CD44: variants seen among roughly 807,000 people sequenced by gnomAD.
CD44 encodes CD44 molecule (IN blood group).
A neutral mutation model predicts 88.8 loss-of-function variants in CD44; 49 were observed. That is an observed-to-expected ratio of 0.55 (90% CI 0.44 to 0.70). CD44 has a LOEUF of 0.70. Among genes scored for constraint, CD44 ranks in the 30% least tolerant of loss-of-function variants. The pLI, the probability that CD44 is intolerant of heterozygous loss-of-function variation, is 0.00. For synonymous variants in CD44, 325 were observed against 312.3 expected (o/e 1.04, Z -0.43); for missense variants, 883 against 913.8 (o/e 0.97, Z 0.43).
chr11:35,216,318 C>T (rs16927102), intron 15 of CD44, among the ~76,000 whole-genome samples: 276 of 152,294 alleles, frequency 1.8e-3, no homozygotes, highest in African/African-American at 6.2e-3. Context: ...TTACTGTGGT[C>T]TCCCTGAACA....
chr11:35,206,000 T>C, intron 10 of CD44, 112 bp from the exon 11 acceptor site: 2 of 1,382,788 alleles, frequency 1.4e-6, no homozygotes, highest in Non-Finnish European at 1.9e-6. Flanking sequence ...ACAAGGAAGA[T>C]GGTTTCATTG....
At chr11:35,216,093 G>A (rs1591311416) in intron 15 of CD44, among the ~76,000 whole-genome samples, 1 of 151,616 alleles carries the variant, frequency 6.6e-6, no homozygotes, top group East Asian at 1.9e-4. Context: ...TTCAAGCCTG[G>A]AGGGCCTTGT....
rs1055827043 is a variant in CD44 at position 35,139,381 on chromosome 11, G to C, written c.67+11G>C. ...GCCTGGCGCAGATCGGTGAGTGCCC[G>C]CCGCAGCCTGGGCAGCAAGATGGGT... On this transcript the variant is annotated intron_variant, in intron 1 of 17. Coordinates refer to ENST00000428726, the MANE Select transcript of CD44 (RefSeq NM_000610.4). 1.9e-6 allele frequency: 3 copies of C among 1,554,874 alleles called. No homozygotes were observed. The highest frequency in any genetic ancestry group is 2.4e-5 in the East Asian group (1 of 41,634).
At chr11:35,166,279 G>A (rs138546828) in intron 1 of CD44, among the ~76,000 whole-genome samples, 26 of 152,324 alleles carry the variant, frequency 1.7e-4, no homozygotes, top group African/African-American at 5.8e-4. Context: ...GCCTGAAGAC[G>A]CACTCGTCAA....
chr11:35,218,409 A>G (rs1949013272), intron 15 of CD44, among the ~76,000 whole-genome samples: 1 of 152,064 alleles, frequency 6.6e-6, no homozygotes, highest in East Asian at 1.9e-4. Context: ...GCTCACTGCA[A>G]CCTCTGCTTC....
At chr11:35,169,969 A>C (rs1943697748) in intron 1 of CD44, among the ~76,000 whole-genome samples, 1 of 152,206 alleles carries the variant, frequency 6.6e-6, no homozygotes. Flanking sequence ...CTCATCTCTA[A>C]AATGGGTTTA....
At chr11:35,205,389 A>G (rs1218060475) in intron 10 of CD44, among the ~76,000 whole-genome samples, 1 of 152,020 alleles carries the variant, frequency 6.6e-6, no homozygotes. Context: ...AACATAGAAG[A>G]TAATGCATCA....
intron 6 of CD44, 119 bp from the exon 7 acceptor site, chr11:35,198,002 C>T (rs1591204960): frequency 5.8e-6 from 6 of 1,041,076 alleles, no homozygotes; most frequent in South Asian, 3.5e-5. Context: ...CAAGTCAACT[C>T]CCTCACTTTC....
chr11:35,152,369 T>C (rs1590915711), intron 1 of CD44, among the ~76,000 whole-genome samples: 1 of 152,178 alleles, frequency 6.6e-6, no homozygotes, highest in African/African-American at 2.4e-5. Flanking sequence ...AAAGGCTCCA[T>C]CAAAAGTCTA....
chr11:35,139,722 G>A, intron 1 of CD44: 1 of 528,312 alleles, frequency 1.9e-6, no homozygotes, highest in Admixed American at 2.2e-5. Flanking sequence ...CTGTGCCCAA[G>A]GGCTCGCCAA....
At chr11:35,165,045 G>T (rs1943106431) in intron 1 of CD44, among the ~76,000 whole-genome samples, 1 of 152,134 alleles carries the variant, frequency 6.6e-6, no homozygotes, top group Non-Finnish European at 1.5e-5. Context: ...AGGGCTTTGT[G>T]GTGGGTGCCA....
rs138993895 is a variant in CD44 at position 35,191,925 on chromosome 11, G to A, written c.667+1860G>A. Among the ~76,000 whole-genome samples, 659 of 152,320 alleles carry A rather than the reference G, an allele frequency of 4.3e-3. 4 individuals carry two copies. Among genetic ancestry groups the A allele is most frequent in the Middle Eastern group, 0.017 (5 of 294 alleles). ...CATAGTTAGGAAGTAATATTGAAGA[G>A]AGGCAAGGATTACTGAGATATTTAT... On this transcript the variant is annotated intron_variant, in intron 5 of 17. Transcript: ENST00000428726.
At chr11:35,162,030 T>G (rs353640) in intron 1 of CD44, among the ~76,000 whole-genome samples, 25,311 of 152,152 alleles carry the variant, frequency 0.17, 2,337 homozygotes, top group African/African-American at 0.23. Context: ...GAAATTACCG[T>G]ATTCATGTAT....
chr11:35,206,372 A>G (rs1426551152), intron 11 of CD44, 129 bp downstream of exon 11: 1 of 908,682 alleles, frequency 1.1e-6, no homozygotes, highest in African/African-American at 1.7e-5. Context: ...AGGTTCTTCA[A>G]AAATTAGTTT....
chr11:35,141,923 G>A (rs1009395054), intron 1 of CD44, among the ~76,000 whole-genome samples: 5 of 152,122 alleles, frequency 3.3e-5, no homozygotes, highest in East Asian at 1.9e-4. Context: ...GGGGAGTGGT[G>A]GACTCTGGAC....
chr11:35,146,291 A>G (rs189162866), intron 1 of CD44, among the ~76,000 whole-genome samples: 13 of 152,304 alleles, frequency 8.5e-5, no homozygotes, highest in Non-Finnish European at 1.8e-4. Flanking sequence ...GTTAATTGCA[A>G]AACTCCGGGG....
Position 35,201,111 on chromosome 11 carries a change from A to C in CD44, c.952A>C (p.Thr318Pro). 6.2e-7 allele frequency: 1 copy of C among 1,614,094 alleles called. No individual in the cohort carries two copies. The highest frequency in any genetic ancestry group is 8.5e-7 in the Non-Finnish European group (1 of 1,179,924). The stretch of plus-strand genomic sequence containing the variant: ...AACCACACCACGGGCTTTTGACCAC[A>C]CAAAACAGAACCAGGACTGGACCCA... Reference protein sequence around the residue: ...ISTTPRAFDHTKQNQDWTQWN... With the variant: ...ISTTPRAFDHPKQNQDWTQWN... The change falls in exon 8 of 18, where the codon ACA becomes CCA. Residue 318 changes from threonine (T) to proline (P), a missense_variant. Thr to Pro is a conservative substitution (Grantham distance 38). This residue lies in a region of CD44 where 631 missense variants were observed against 590.9 expected (regional missense o/e 1.07). Coordinates refer to ENST00000428726, the MANE Select transcript of CD44 (RefSeq NM_000610.4).
At chr11:35,208,340 G>C (rs1393454985) in intron 12 of CD44, 134 bp downstream of exon 12, 2 of 647,360 alleles carry the variant, frequency 3.1e-6, no homozygotes, top group Non-Finnish European at 5.7e-6. Flanking sequence ...GTGTGAAACT[G>C]TCTTCATTGT....
chr11:35,139,611 G>T (rs750999737), intron 1 of CD44: 56 of 744,834 alleles, frequency 7.5e-5, no homozygotes, highest in Non-Finnish European at 1.2e-4. Context: ...TGGGCAGGCT[G>T]CCGGCGCGCA....
Sources: gnomAD v4.1 joint callset for allele counts (sites outside exome capture counted in the v4.1 genomes callset) on GRCh38, gnomAD v4.1.1 for gene constraint, gnomAD v4.1.1 regional missense constraint, MANE v1.5 for transcripts, NCBI Gene and HGNC (gene_info 2026-07-23, HGNC 2026-07-21) for gene names.